The following INPP4B variants were observed in gnomAD, a reference collection of about 807,000 sequenced individuals.
The protein encoded by INPP4B is inositol polyphosphate-4-phosphatase type II B.
Under a neutral mutation model 122.5 loss-of-function variants are expected in INPP4B, and 55 were observed. The observed-to-expected ratio is 0.45, with a 90% CI of 0.36 to 0.56. The LOEUF (loss-of-function observed/expected upper bound fraction) is 0.56. INPP4B is among the 20% of genes least tolerant of loss of function. The probability of loss-of-function intolerance (pLI) is 0.00; values close to 1 mark genes in which losing one functional copy is unlikely to be tolerated. For synonymous variants in INPP4B, 403 were observed against 388.7 expected, an observed-to-expected ratio of 1.04 and a Z score of -0.43; for missense variants, 1,000 against 1,097.7, an observed-to-expected ratio of 0.91 and a Z score of 1.26.
chr4:142,420,977 G>T (rs1259101036), intron 5 of INPP4B, among the ~76,000 whole-genome samples: 1 of 152,064 alleles, frequency 6.6e-6, no homozygotes, highest in African/African-American at 2.4e-5. Flanking sequence ...ATCATCACAA[G>T]AACTTTATAA....
chr4:142,842,203 T>C (rs1992652), intron 1 of INPP4B, among the ~76,000 whole-genome samples: 44,205 of 151,512 alleles, frequency 0.29, 6,612 homozygotes, highest in South Asian at 0.35. Context: ...CTATTTAAAA[T>C]CAGGACACCA....
At chr4:142,136,834 C>T (rs1449616341) in intron 18 of INPP4B, among the ~76,000 whole-genome samples, 1 of 152,012 alleles carries the variant, frequency 6.6e-6, no homozygotes, top group Non-Finnish European at 1.5e-5. Flanking sequence ...CAAGGACAAA[C>T]CTAAAGGCAG....
In INPP4B at chr4:142,665,493, C is replaced by CAA. The variant is rs11417876; in HGVS notation, c.-191+60344_-191+60345dup. Among the ~76,000 whole-genome samples the CAA allele has an allele frequency of 3.0e-3, 320 of 107,182 alleles. 3 individuals carry two copies. The highest frequency in any genetic ancestry group is 9.3e-3 in the East Asian group (35 of 3,752). The allele number at this position is 107,182 out of a possible 152,430, so 70.3% of individuals were successfully genotyped here. On this transcript the variant is annotated intron_variant, in intron 2 of 25. Transcript: ENST00000262992. ...TGGGTGACAGAGCGAGACTCTGTCT[C>CAA]AAAAAAAAAAAAAAAAAGAAAGAAA...
At chr4:142,285,886 G>T (rs1753422462) in intron 9 of INPP4B, among the ~76,000 whole-genome samples, 1 of 151,958 alleles carries the variant, frequency 6.6e-6, no homozygotes, top group Admixed American at 6.6e-5. Context: ...GGGCAGACAG[G>T]GCAACATTAA....
At chr4:142,049,594 G>A (rs1753386942) in intron 25 of INPP4B, among the ~76,000 whole-genome samples, 1 of 151,918 alleles carries the variant, frequency 6.6e-6, no homozygotes, top group South Asian at 2.1e-4. Flanking sequence ...TGGTTTGGAA[G>A]TAAAACTGTA....
chr4:142,320,928 C>T (rs1769766170), intron 7 of INPP4B, among the ~76,000 whole-genome samples: 1 of 152,172 alleles, frequency 6.6e-6, no homozygotes. Flanking sequence ...GCATTATAAA[C>T]ATGCATGTGC....
At chr4:142,668,891 T>C (rs1236728516) in intron 2 of INPP4B, among the ~76,000 whole-genome samples, 1 of 141,248 alleles carries the variant, frequency 7.1e-6, no homozygotes, top group African/African-American at 2.7e-5. Flanking sequence ...CACTAGAAAA[T>C]ACAAAAAAAA....
In INPP4B at chr4:142,273,352, G is replaced by A. The variant is rs141855222; in HGVS notation, c.504-2578C>T. ...GCTCTCAAGAAATTTTACTGAAATC[G>A]ATATCTGAGACTATAGTGAAAGGCT... On this transcript the variant is annotated intron_variant, in intron 9 of 25. Transcript: ENST00000262992. 2.3e-4 allele frequency among the ~76,000 whole-genome samples: 35 copies of A among 151,796 alleles called. No homozygotes were observed. The East Asian group carries it at 4.1e-3, about 18-fold the overall frequency.
intron 1 of INPP4B, among the ~76,000 whole-genome samples, chr4:142,784,410 A>AAAAT (rs1561065852): frequency 6.9e-6 from 1 of 143,912 alleles, no homozygotes; most frequent in Non-Finnish European, 1.5e-5. Flanking sequence ...TAAATAAATA[A>AAAAT]AAATTAAAAT....
chr4:142,347,195 G>A (rs882005), intron 7 of INPP4B, among the ~76,000 whole-genome samples: 45,571 of 151,746 alleles, frequency 0.3, 7,676 homozygotes, highest in Non-Finnish European at 0.39. Context: ...TTTTTTTCAA[G>A]TTAACCTAGC....
chr4:142,387,185 G>A (rs1796229351), intron 7 of INPP4B, among the ~76,000 whole-genome samples: 1 of 152,002 alleles, frequency 6.6e-6, no homozygotes, highest in African/African-American at 2.4e-5. Context: ...ATATTGCAGT[G>A]GTTGTAAAAA....
At chr4:142,647,323 AAAT>A (rs1422327460) in intron 2 of INPP4B, among the ~76,000 whole-genome samples, 2 of 152,300 alleles carry the variant, frequency 1.3e-5, no homozygotes, top group Middle Eastern at 3.4e-3. Context: ...ATTACTTTAA[AAAT>A]AATAATTTGG....
chr4:142,610,664 A>G (rs1742287334), intron 2 of INPP4B, among the ~76,000 whole-genome samples: 1 of 152,206 alleles, frequency 6.6e-6, no homozygotes, highest in South Asian at 2.1e-4. Flanking sequence ...CATTATTTTT[A>G]TGGACCTCAA....
chr4:142,625,404 A>T (rs1389117489), intron 2 of INPP4B, among the ~76,000 whole-genome samples: 1 of 152,162 alleles, frequency 6.6e-6, no homozygotes, highest in Non-Finnish European at 1.5e-5. Context: ...TGAATAAAAT[A>T]CCTAGGAATC....
chr4:142,492,645 T>A (rs961520302), intron 2 of INPP4B, among the ~76,000 whole-genome samples: 3 of 152,050 alleles, frequency 2.0e-5, no homozygotes, highest in African/African-American at 4.8e-5. Context: ...GCCCTAGAGA[T>A]CTGTGGAACT....
At chr4:142,778,234 CTTTT>C (rs1157294063) in intron 1 of INPP4B, among the ~76,000 whole-genome samples, 1 of 152,050 alleles carries the variant, frequency 6.6e-6, no homozygotes, top group Non-Finnish European at 1.5e-5. Flanking sequence ...TATATGTTGA[CTTTT>C]TTGTCTTCCT....
At chr4:142,661,359 C>T (rs1265492030) in intron 2 of INPP4B, among the ~76,000 whole-genome samples, 2 of 152,054 alleles carry the variant, frequency 1.3e-5, no homozygotes, top group African/African-American at 4.8e-5. Flanking sequence ...CTATAACCAC[C>T]GATTGTTTGT....
intron 2 of INPP4B, among the ~76,000 whole-genome samples, chr4:142,539,676 T>C (rs1329509589): frequency 1.3e-5 from 2 of 152,074 alleles, no homozygotes; most frequent in Non-Finnish European, 2.9e-5. Flanking sequence ...TTAAACCGAA[T>C]AAACATCATT....
intron 1 of INPP4B, among the ~76,000 whole-genome samples, chr4:142,771,672 A>C (rs1215955547): frequency 1.3e-5 from 2 of 152,104 alleles, no homozygotes; most frequent in Non-Finnish European, 2.9e-5. Context: ...CAGTGCTATA[A>C]ATGGTTGTAC....
Sources: gnomAD v4.1 joint callset for allele counts (sites outside exome capture counted in the v4.1 genomes callset) on GRCh38, gnomAD v4.1.1 for gene constraint, MANE v1.5 for transcripts, NCBI Gene and HGNC (gene_info 2026-07-23, HGNC 2026-07-21) for gene names.